The following MGLL variants were observed in gnomAD, a reference collection of about 807,000 sequenced individuals.
The protein encoded by MGLL is monoglyceride lipase.
Under a neutral mutation model 29.1 loss-of-function variants are expected in MGLL, and 7 were observed. The observed-to-expected ratio is 0.24, with a 90% confidence interval of 0.14 to 0.45. The LOEUF (loss-of-function observed/expected upper bound fraction) is 0.45. Among genes scored for constraint, MGLL ranks in the 20% least tolerant of loss-of-function variants. The pLI, the probability that MGLL is intolerant of heterozygous loss-of-function variation, is 0.99. For synonymous variants in MGLL, 148 were observed against 168.3 expected (o/e 0.88, Z 0.93); for missense variants, 356 against 413.6 (o/e 0.86, Z 1.21).
intron 3 of MGLL, among the ~76,000 whole-genome samples, chr3:127,754,515 C>A (rs2107674089): frequency 6.6e-6 from 1 of 152,332 alleles, no homozygotes; most frequent in Non-Finnish European, 1.5e-5. Context: ...TTGCAACGGC[C>A]CCGCTAGGCA....
chr3:127,698,471 G>C (rs1385606382), intron 6 of MGLL, among the ~76,000 whole-genome samples: 3 of 152,146 alleles, frequency 2.0e-5, no homozygotes, highest in Admixed American at 2.0e-4. Flanking sequence ...ATTCAATAGG[G>C]ACCAGAGTCA....
chr3:127,726,157 AAAG>A (rs1559926142), intron 3 of MGLL, among the ~76,000 whole-genome samples: 4 of 28,916 alleles, frequency 1.4e-4, no homozygotes, highest in Admixed American at 3.1e-4. Flanking sequence ...AGAAAGAAAG[AAAG>A]AAAGAAAGAA....
At chr3:127,799,305 T>C (rs1255032848) in intron 2 of MGLL, 1 of 152,104 alleles carries the variant, frequency 6.6e-6, no homozygotes, top group African/African-American at 2.4e-5. Flanking sequence ...AGTGAAGCTA[T>C]TCGTTAGGAT....
At position 127,822,374 on chromosome 3, in the gene MGLL, C is replaced by T. The variant is rs1385602486; in HGVS notation, c.-56G>A. On this transcript the variant is annotated 5_prime_UTR_variant, in exon 1 of 8. Coordinates refer to ENST00000265052, the MANE Select transcript of MGLL (RefSeq NM_007283.7). ...GACAGCCTGGAGAATCAGAACCAGG[C>T]AAATCGGGCTGTTCCCTCATCTGGG... The T allele has an allele frequency of 7.5e-6, 12 of 1,603,408 alleles. No homozygotes were observed. The highest frequency in any genetic ancestry group is 1.0e-5 in the Non-Finnish European group (12 of 1,170,552).
intron 2 of MGLL, among the ~76,000 whole-genome samples, chr3:127,789,628 G>A (rs1341900730): frequency 6.6e-6 from 1 of 152,082 alleles, no homozygotes; most frequent in Non-Finnish European, 1.5e-5. Context: ...AGCCCGGGAG[G>A]TGGAGGCTAC....
At chr3:127,726,187 A>AGAAAGAAAGAAG (rs1559926390) in intron 3 of MGLL, among the ~76,000 whole-genome samples, 1 of 58,654 alleles carries the variant, frequency 1.7e-5, no homozygotes, top group Non-Finnish European at 4.1e-5. Context: ...AAAGAAAGAA[A>AGAAAGAAAGAAG]AGAAAAGAAA....
chr3:127,697,044 A>G (rs1211049141), intron 6 of MGLL, among the ~76,000 whole-genome samples: 1 of 152,200 alleles, frequency 6.6e-6, no homozygotes, highest in Non-Finnish European at 1.5e-5. Context: ...AAACCAGACC[A>G]TTTGTGTAAA....
At chr3:127,759,813 T>C (rs1420981585) in intron 3 of MGLL, among the ~76,000 whole-genome samples, 1 of 152,222 alleles carries the variant, frequency 6.6e-6, no homozygotes, top group Non-Finnish European at 1.5e-5. Context: ...TTCAGATGAT[T>C]CTCCTTTTTT....
intron 3 of MGLL, among the ~76,000 whole-genome samples, chr3:127,743,507 T>A (rs929022179): frequency 2.0e-5 from 3 of 147,866 alleles, no homozygotes; most frequent in African/African-American, 7.6e-5. Flanking sequence ...ATGCCATAGG[T>A]CTGTCCCTTT....
Position 127,743,937 on chromosome 3 carries a change from T to C in MGLL, c.263-21371A>G, listed in dbSNP as rs767219207. Among the ~76,000 whole-genome samples, 7 of 152,176 alleles carry C rather than the reference T, an allele frequency of 4.6e-5. No individual in the cohort carries two copies. The East Asian group carries it at 1.3e-3, about 29-fold the overall frequency. ...TTCGTCCCCCCGACTACCACTGCACTGAGTTACCTTAGAGCGAGGAAGGAT... is the reference window on the plus strand; with the variant it reads ...TTCGTCCCCCCGACTACCACTGCACCGAGTTACCTTAGAGCGAGGAAGGAT... On this transcript the variant is annotated intron_variant, in intron 3 of 7. Coordinates refer to ENST00000265052, the MANE Select transcript of MGLL (RefSeq NM_007283.7).
At chr3:127,773,309 G>A (rs1291142776) in intron 3 of MGLL, among the ~76,000 whole-genome samples, 2 of 152,276 alleles carry the variant, frequency 1.3e-5, no homozygotes, top group African/African-American at 2.4e-5. Flanking sequence ...GCTCTGCCAC[G>A]TAGCAGCCAT....
chr3:127,794,509 G>A (rs529275239), intron 2 of MGLL, among the ~76,000 whole-genome samples: 1 of 150,814 alleles, frequency 6.6e-6, no homozygotes, highest in Non-Finnish European at 1.5e-5. Context: ...ATGATGTAAG[G>A]CTGTCTTCTA....
chr3:127,692,350 G>C (rs1456197109), intron 7 of MGLL, 27 bp from the exon 8 acceptor site: 1 of 1,613,784 alleles, frequency 6.2e-7, no homozygotes, highest in Non-Finnish European at 8.5e-7. Context: ...CACGGAATCA[G>C]AGCTGCACCA....
At chr3:127,816,777 A>G (rs545857174) in intron 2 of MGLL, among the ~76,000 whole-genome samples, 2 of 152,310 alleles carry the variant, frequency 1.3e-5, no homozygotes, top group South Asian at 2.1e-4. Flanking sequence ...GATGGGGACC[A>G]TCACTGAGCC....
chr3:127,799,137 A>G (rs2077434351), intron 2 of MGLL, among the ~76,000 whole-genome samples: 1 of 152,196 alleles, frequency 6.6e-6, no homozygotes, highest in Non-Finnish European at 1.5e-5. Flanking sequence ...CCAGGGACCA[A>G]GTGCTCCTAA....
intron 5 of MGLL, chr3:127,716,078 C>A (rs58959211): frequency 0.11 from 35,581 of 334,472 alleles, 2,333 homozygotes; most frequent in African/African-American, 0.22. Context: ...ATTATGCCAG[C>A]TCAACCCAGA....
intron 3 of MGLL, among the ~76,000 whole-genome samples, chr3:127,725,607 AG>A (rs570768912): frequency 2.1e-3 from 326 of 152,350 alleles, no homozygotes; most frequent in African/African-American, 7.3e-3. Context: ...CGTTTGAAAT[AG>A]GGCTCCTCCC....
chr3:127,772,652 A>AG (rs1392735919), intron 3 of MGLL, among the ~76,000 whole-genome samples: 2 of 152,264 alleles, frequency 1.3e-5, no homozygotes, highest in East Asian at 1.9e-4. Flanking sequence ...CTGGATTTGC[A>AG]GGGGGGCTGT....
At chr3:127,727,796 C>A (rs9877209) in intron 3 of MGLL, among the ~76,000 whole-genome samples, 1 of 146,488 alleles carries the variant, frequency 6.8e-6, no homozygotes, top group African/African-American at 2.6e-5. Context: ...TATCTCTTTT[C>A]TTTTACACTG....
Sources: allele counts gnomAD v4.1 joint callset (sites outside exome capture counted in the v4.1 genomes callset), GRCh38; gene constraint gnomAD v4.1.1; transcripts MANE v1.5; gene names NCBI Gene and HGNC (gene_info 2026-07-23, HGNC 2026-07-21).